The following CTNNA1 variants were observed in gnomAD, a reference collection of about 807,000 sequenced individuals.
CTNNA1 encodes the protein catenin alpha-1.
Under a neutral mutation model 98.4 loss-of-function variants are expected in CTNNA1, and 37 were observed. That is an observed-to-expected ratio of 0.38 (90% CI 0.29 to 0.49). CTNNA1 has a LOEUF of 0.49. Among genes scored for constraint, CTNNA1 ranks in the 20% least tolerant of loss-of-function variants. The probability of loss-of-function intolerance (pLI) is 0.95; values close to 1 mark genes in which losing one functional copy is unlikely to be tolerated. For missense variants in CTNNA1, 761 were observed against 1,147.2 expected (o/e 0.66, Z 4.86); for synonymous variants, 404 against 413.2 (o/e 0.98, Z 0.27).
chr5:138,886,920 T>C (rs920592838), intron 8 of CTNNA1, among the ~76,000 whole-genome samples: 1 of 152,098 alleles, frequency 6.6e-6, no homozygotes, highest in African/African-American at 2.4e-5. Flanking sequence ...TTTTAAGAGG[T>C]AATGGACAGA....
intron 3 of CTNNA1, among the ~76,000 whole-genome samples, chr5:138,794,822 GTTATT>G (rs1756758489): frequency 6.6e-6 from 1 of 152,184 alleles, no homozygotes; most frequent in Non-Finnish European, 1.5e-5. Flanking sequence ...TCTTGGTCCT[GTTATT>G]TTATTATGTT....
intron 7 of CTNNA1, 158 bp downstream of exon 7, chr5:138,827,876 C>A: frequency 1.2e-6 from 1 of 805,226 alleles, no homozygotes; most frequent in Non-Finnish European, 1.9e-6. Flanking sequence ...GGATAAATGG[C>A]TAAGTGGCTC....
intron 9 of CTNNA1, among the ~76,000 whole-genome samples, chr5:138,894,281 C>CTTTTTTTTT (rs539073038): frequency 6.5e-5 from 8 of 123,948 alleles, no homozygotes; most frequent in Non-Finnish European, 7.9e-5. Context: ...TTTTCTTTCT[C>CTTTTTTTTT]TTTTTTTTTT....
At chr5:138,771,538 TA>T (rs903650500) in intron 1 of CTNNA1, among the ~76,000 whole-genome samples, 1 of 151,920 alleles carries the variant, frequency 6.6e-6, no homozygotes, top group Admixed American at 6.6e-5. Flanking sequence ...CATGCCCAGC[TA>T]ATTTTTTTTT....
intron 16 of CTNNA1, 193 bp downstream of exon 16, chr5:138,931,128 C>T (rs533431522): frequency 1.4e-5 from 8 of 573,000 alleles, no homozygotes; most frequent in South Asian, 8.4e-5. Context: ...AATCTTCCAT[C>T]GCTTGGTAGC....
At chr5:138,895,482 A>C (rs2150084492) in intron 9 of CTNNA1, among the ~76,000 whole-genome samples, 1 of 144,644 alleles carries the variant, frequency 6.9e-6, no homozygotes, top group East Asian at 2.0e-4. Context: ...AGGTTAACTG[A>C]CATTGATTTG....
At chr5:138,760,335 T>C (rs1752209781) in intron 1 of CTNNA1, among the ~76,000 whole-genome samples, 1 of 150,722 alleles carries the variant, frequency 6.6e-6, no homozygotes, top group Non-Finnish European at 1.5e-5. Flanking sequence ...TTCCATTTAT[T>C]GTATGTATAT....
At chr5:138,913,203 C>T (rs191027767) in intron 10 of CTNNA1, among the ~76,000 whole-genome samples, 3 of 152,168 alleles carry the variant, frequency 2.0e-5, no homozygotes, top group African/African-American at 7.2e-5. Flanking sequence ...ATCTGACCCT[C>T]CCTTCATTTT....
intron 9 of CTNNA1, among the ~76,000 whole-genome samples, chr5:138,891,927 C>T (rs1175813082): frequency 6.6e-6 from 1 of 152,178 alleles, no homozygotes; most frequent in Non-Finnish European, 1.5e-5. Flanking sequence ...CATTTCTCTG[C>T]TGTGGGGATA....
intron 4 of CTNNA1, among the ~76,000 whole-genome samples, chr5:138,811,304 A>C (rs1359949534): frequency 7.9e-6 from 1 of 126,610 alleles, no homozygotes; most frequent in Non-Finnish European, 1.7e-5. Context: ...GGCGCTCCCC[A>C]CATCTCAGAC....
chr5:138,931,692 T>C, intron 16 of CTNNA1: 1 of 985,468 alleles, frequency 1.0e-6, no homozygotes, highest in Non-Finnish European at 1.2e-6. Context: ...TTTCCTGTTC[T>C]TTCCTCTCTC....
At chr5:138,764,439 A>G (rs1367057661) in intron 1 of CTNNA1, among the ~76,000 whole-genome samples, 1 of 151,736 alleles carries the variant, frequency 6.6e-6, no homozygotes, top group Non-Finnish European at 1.5e-5. Context: ...CTTGGGAGGG[A>G]AAAAAAAGTG....
intron 3 of CTNNA1, among the ~76,000 whole-genome samples, chr5:138,800,762 C>G (rs1757488216): frequency 6.6e-6 from 1 of 152,030 alleles, no homozygotes. Context: ...GAGATCGCGC[C>G]ACTGCATTCC....
chr5:138,917,753 T>A lies in CTNNA1; in HGVS notation c.1401T>A (p.Ala467=), dbSNP rs1762093946. ...LEALCPQVIN[A]ALALAAKPQS... ...AATATCTTTTGCAGGTTATTAATGC[T>A]GCACTGGCTTTAGCAGCAAAACCAC... Residue 467 remains alanine, a synonymous_variant, in exon 11 of 18, where the codon GCT becomes GCA. Coordinates refer to ENST00000302763, the MANE Select transcript of CTNNA1 (RefSeq NM_001903.5). 1.2e-6 allele frequency: 2 copies of A among 1,614,136 alleles called. No homozygotes were observed. The highest frequency in any genetic ancestry group is 8.5e-7 in the Non-Finnish European group (1 of 1,180,008).
intron 4 of CTNNA1, among the ~76,000 whole-genome samples, chr5:138,811,627 T>C (rs112315701): frequency 0.062 from 9,365 of 152,184 alleles, 784 homozygotes; most frequent in African/African-American, 0.2. Flanking sequence ...GCCTGGGCAC[T>C]GTTGAGCACC....
chr5:138,924,446 C>T, intron 11 of CTNNA1, 64 bp from the exon 12 acceptor site: 2 of 1,533,672 alleles, frequency 1.3e-6, no homozygotes, highest in South Asian at 1.2e-5. Flanking sequence ...TAGATGCCAG[C>T]TTACAGTTGC....
chr5:138,753,471 T>G lies in CTNNA1; in HGVS notation c.-42T>G, dbSNP rs1050796681. 2.1e-5 allele frequency: 8 copies of G among 376,196 alleles called. No homozygotes were observed. Among genetic ancestry groups the G allele is most frequent in the African/African-American group, 1.5e-4 (7 of 47,146 alleles). The allele number at this position is 376,196 out of a possible 1,614,324, so 23.3% of individuals were successfully genotyped here. A position where few individuals can be genotyped will look rare whatever the true frequency, so the allele number is the denominator to read the frequency against. Reference sequence around the variant, plus strand: ...GGAGACAAAGCAGCGCCCGTCTGCTTCGGGCCTCTGGAATTTAGCGCTCGC... The same window carrying G: ...GGAGACAAAGCAGCGCCCGTCTGCTGCGGGCCTCTGGAATTTAGCGCTCGC... On this transcript the variant is annotated 5_prime_UTR_variant, in exon 1 of 18. Transcript: ENST00000302763.
intron 7 of CTNNA1, among the ~76,000 whole-genome samples, chr5:138,860,151 T>C (rs1211558702): frequency 6.6e-6 from 1 of 152,220 alleles, no homozygotes; most frequent in Admixed American, 6.5e-5. Context: ...ATCAAAATAC[T>C]GATTATTGTT....
chr5:138,782,008 G>T lies in CTNNA1; in HGVS notation c.84G>T (p.Leu28=). The change falls in exon 2 of 18, where the codon CTG becomes CTT. Residue 28 remains leucine, a synonymous_variant. Transcript: ENST00000302763. The part of the protein sequence containing the change: ...LEIRTLAVER[L]LEPLVTQVTT... ...TCAGGACTCTGGCAGTTGAGAGACT[G>T]TTGGAGCCTCTTGTTACACAGGTAA... is the stretch of plus-strand genomic sequence containing the variant. The T allele has an allele frequency of 6.2e-7, 1 of 1,608,980 alleles. No homozygotes were observed. The highest frequency in any genetic ancestry group is 8.5e-7 in the Non-Finnish European group (1 of 1,178,992).
Sources: allele counts gnomAD v4.1 joint callset (sites outside exome capture counted in the v4.1 genomes callset), GRCh38; gene constraint gnomAD v4.1.1; transcripts MANE v1.5; gene names NCBI Gene and HGNC (gene_info 2026-07-23, HGNC 2026-07-21).